The following CSMD2 variants were observed in gnomAD, a reference collection of about 807,000 sequenced individuals.
The protein encoded by CSMD2 is CUB and sushi domain-containing protein 2.
Under a neutral mutation model 398.5 loss-of-function variants are expected in CSMD2, and 130 were observed. The ratio of observed to expected loss-of-function variants is 0.33; its 90% confidence interval spans 0.28 to 0.38. CSMD2 has a LOEUF of 0.38. Ranked by LOEUF, CSMD2 falls within the 10% of genes least tolerant of loss-of-function variation. The pLI is 1.00. For synonymous variants in CSMD2, 1,828 were observed against 1,908.5 expected, an observed-to-expected ratio of 0.96 and a Z score of 1.10; for missense variants, 3,829 against 4,764.9, an observed-to-expected ratio of 0.80 and a Z score of 5.78.
At chr1:34,107,879 A>G (rs186864448) in intron 1 of CSMD2, among the ~76,000 whole-genome samples, 1 of 152,308 alleles carries the variant, frequency 6.6e-6, no homozygotes, top group African/African-American at 2.4e-5. Context: ...TTCCCAGAAG[A>G]AAAAGAATCA....
intron 1 of CSMD2, among the ~76,000 whole-genome samples, chr1:34,127,562 T>G (rs1323459546): frequency 6.6e-6 from 1 of 152,032 alleles, no homozygotes; most frequent in Non-Finnish European, 1.5e-5. Flanking sequence ...GGAAGTCCAT[T>G]CTGATGGTCT....
intron 3 of CSMD2, among the ~76,000 whole-genome samples, chr1:34,009,822 T>C (rs888462983): frequency 2.0e-5 from 3 of 152,104 alleles, no homozygotes; most frequent in Admixed American, 2.0e-4. Context: ...CTGATTTCAC[T>C]CCTATGTGAC....
At chr1:33,700,744 C>T in intron 22 of CSMD2, 71 bp from the exon 23 acceptor site, 2 of 1,475,708 alleles carry the variant, frequency 1.4e-6, no homozygotes, top group Non-Finnish European at 1.9e-6. Flanking sequence ...CTCCTTACCC[C>T]ACAACCCACA....
chr1:34,001,078 A>T (rs1646887781), intron 3 of CSMD2, among the ~76,000 whole-genome samples: 1 of 151,920 alleles, frequency 6.6e-6, no homozygotes, highest in Non-Finnish European at 1.5e-5. Context: ...GAGGAGGAAA[A>T]GGAGAAGGAG....
In CSMD2 at chr1:33,614,607, T is replaced by C. The variant is rs142286904; in HGVS notation, c.6030A>G (p.Gly2010=). 203 of 1,602,082 alleles carry C rather than the reference T, an allele frequency of 1.3e-4. No homozygotes were observed. The highest frequency in any genetic ancestry group is 6.6e-4 in the Middle Eastern group (4 of 6,064). The change falls in exon 40 of 71, where the codon GGA becomes GGG. Residue 2010 remains glycine, a synonymous_variant. Transcript: ENST00000373381. ...TCACCCCCTCCATCTCCTCCACTGTTCCCCCACACTGTGCTGTGACAATGA... is the reference window on the plus strand; with the variant it reads ...TCACCCCCTCCATCTCCTCCACTGTCCCCCCACACTGTGCTGTGACAATGA... ...PPPLCIAQCG[G]TVEEMEGVIL...
chr1:33,615,185 C>T (rs1195179052), intron 39 of CSMD2, among the ~76,000 whole-genome samples: 1 of 152,182 alleles, frequency 6.6e-6, no homozygotes, highest in Non-Finnish European at 1.5e-5. Context: ...CCACAGGAGC[C>T]AACCACCAGG....
chr1:33,654,653 C>T (rs1643895261), intron 27 of CSMD2, among the ~76,000 whole-genome samples: 1 of 152,218 alleles, frequency 6.6e-6, no homozygotes, highest in South Asian at 2.1e-4. Flanking sequence ...CTGTAATGTC[C>T]AGTCCATGGA....
chr1:33,643,085 C>G (rs541234046), intron 29 of CSMD2, among the ~76,000 whole-genome samples: 3 of 152,164 alleles, frequency 2.0e-5, no homozygotes, highest in Non-Finnish European at 4.4e-5. Flanking sequence ...TTAGCAGAGC[C>G]CTGGATCTCT....
chr1:33,799,521 A>G (rs1379637910), intron 10 of CSMD2, among the ~76,000 whole-genome samples: 2 of 152,128 alleles, frequency 1.3e-5, no homozygotes, highest in Non-Finnish European at 2.9e-5. Context: ...TCCTCCATTT[A>G]TTTCTCCCTA....
At chr1:33,584,457 G>A (rs1420117001) in intron 46 of CSMD2, among the ~76,000 whole-genome samples, 1 of 152,082 alleles carries the variant, frequency 6.6e-6, no homozygotes, top group Non-Finnish European at 1.5e-5. Flanking sequence ...GAATCATGAG[G>A]TCAAGAACTC....
intron 35 of CSMD2, among the ~76,000 whole-genome samples, chr1:33,623,744 GAC>G (rs1641921066): frequency 6.6e-6 from 1 of 152,236 alleles, no homozygotes; most frequent in African/African-American, 2.4e-5. Context: ...GAAGTGGAAA[GAC>G]AGTCTCACTG....
At chr1:33,575,132 G>A (rs1441436537) in intron 49 of CSMD2, among the ~76,000 whole-genome samples, 1 of 152,236 alleles carries the variant, frequency 6.6e-6, no homozygotes, top group Non-Finnish European at 1.5e-5. Flanking sequence ...CCTGTGGGTA[G>A]GAGGAGGAGG....
intron 3 of CSMD2, among the ~76,000 whole-genome samples, chr1:33,940,218 T>G (rs1644621515): frequency 6.6e-6 from 1 of 152,142 alleles, no homozygotes; most frequent in Non-Finnish European, 1.5e-5. Flanking sequence ...TTTGTTTCTG[T>G]GTCTGAATGT....
At chr1:34,009,522 C>T (rs377218772) in intron 3 of CSMD2, among the ~76,000 whole-genome samples, 1 of 151,968 alleles carries the variant, frequency 6.6e-6, no homozygotes, top group Non-Finnish European at 1.5e-5. Flanking sequence ...ACTCCCAGCT[C>T]TCCTGGGACC....
At chr1:33,592,216 C>A (rs1046008024) in intron 44 of CSMD2, 14 of 589,844 alleles carry the variant, frequency 2.4e-5, no homozygotes, top group Admixed American at 1.4e-4. Flanking sequence ...ACTTCTCAAT[C>A]ATTCTCTTTC....
In CSMD2 at chr1:33,633,491, C is replaced by A; in HGVS notation, c.5131G>T (p.Val1711Leu). Residue 1711 changes from valine to leucine, a missense_variant, in exon 32 of 71, where the codon GTG becomes TTG. Physicochemically the swap from Val to Leu is conservative, Grantham distance 32. Transcript: ENST00000373381. The surrounding 1 kb of genome is among the most constrained non-coding windows in gnomAD (Gnocchi z 5.0). ...FAFFHTALND[V>L]VEVHDGHSQH... ...CTGTGGCCGTCGTGAACCTCCACCA[C>A]GTCGTTGAGGGCCGTGTGAAAGAAG... 12 of 1,554,072 alleles carry A rather than the reference C, an allele frequency of 7.7e-6. No homozygotes were observed. Among genetic ancestry groups the A allele is most frequent in the Non-Finnish European group, 1.0e-5 (12 of 1,148,218 alleles).
chr1:33,898,359 T>C (rs1642528062), intron 5 of CSMD2, among the ~76,000 whole-genome samples: 1 of 152,178 alleles, frequency 6.6e-6, no homozygotes, highest in Non-Finnish European at 1.5e-5. Flanking sequence ...GTGAATTGTT[T>C]TAGACAAAAA....
chr1:33,577,342 G>T lies in CSMD2; in HGVS notation c.7530C>A (p.His2510Gln). Reference sequence around the variant, plus strand: ...CGCTCCACAGGTGGTAGCCCTGGGGGTGCCGGGTACAGATGGCCATGCTGT... The same window carrying T: ...CGCTCCACAGGTGGTAGCCCTGGGGTTGCCGGGTACAGATGGCCATGCTGT... ...VGHSMAICTR[H>Q]PQGYHLWSEA... The change falls in exon 49 of 71, where the codon CAC becomes CAA. Residue 2510 changes from histidine (H) to glutamine (Q), a missense_variant. Coordinates refer to ENST00000373381, the MANE Select transcript of CSMD2 (RefSeq NM_001281956.2). 1 of 1,613,882 alleles carries T rather than the reference G, an allele frequency of 6.2e-7. No homozygotes were observed. The highest frequency in any genetic ancestry group is 8.5e-7 in the Non-Finnish European group (1 of 1,179,892).
At chr1:33,714,994 G>A (rs1397869395) in intron 20 of CSMD2, among the ~76,000 whole-genome samples, 2 of 152,062 alleles carry the variant, frequency 1.3e-5, no homozygotes, top group Non-Finnish European at 2.9e-5. Flanking sequence ...ACATGGGGAA[G>A]CACGGGGAGG....
Sources: allele counts gnomAD v4.1 joint callset (sites outside exome capture counted in the v4.1 genomes callset), GRCh38; gene constraint gnomAD v4.1.1; non-coding constraint Gnocchi (gnomAD v3.1); transcripts MANE v1.5; gene names NCBI Gene and HGNC (gene_info 2026-07-23, HGNC 2026-07-21).